Variants in CCDC192 observed in about 807,000 individuals in gnomAD.
The protein encoded by CCDC192 is coiled-coil domain-containing protein 192.
intron 5 of CCDC192, among the ~76,000 whole-genome samples, chr5:127,866,266 A>G (rs1387571931): frequency 6.6e-6 from 1 of 151,976 alleles, no homozygotes; most frequent in Non-Finnish European, 1.5e-5. Context: ...AAAAGAGTCA[A>G]AAAGGAAAAC....
chr5:127,752,847 C>T (rs575618680), intron 2 of CCDC192, among the ~76,000 whole-genome samples: 3 of 152,268 alleles, frequency 2.0e-5, no homozygotes, highest in East Asian at 1.9e-4. Context: ...TGGAAAAGTG[C>T]GGTATTCGGG....
intron 2 of CCDC192, among the ~76,000 whole-genome samples, chr5:127,731,304 A>G (rs1177172703): frequency 6.6e-6 from 1 of 152,206 alleles, no homozygotes; most frequent in African/African-American, 2.4e-5. Flanking sequence ...AATACAGCTA[A>G]CAAGGGGAGT....
chr5:127,794,514 A>G (rs1757054148), intron 3 of CCDC192, among the ~76,000 whole-genome samples: 1 of 152,212 alleles, frequency 6.6e-6, no homozygotes, highest in Non-Finnish European at 1.5e-5. Context: ...TGCCCAAGAA[A>G]TGTTAACTAT....
intron 5 of CCDC192, among the ~76,000 whole-genome samples, chr5:127,828,864 C>T (rs1319533340): frequency 2.0e-5 from 3 of 152,134 alleles, no homozygotes; most frequent in Non-Finnish European, 4.4e-5. Context: ...GTAGGCATTG[C>T]CAAGAGCAGT....
chr5:127,854,337 A>T (rs1210430858), intron 5 of CCDC192, among the ~76,000 whole-genome samples: 1 of 152,070 alleles, frequency 6.6e-6, no homozygotes, highest in East Asian at 1.9e-4. Flanking sequence ...GTACCCCCTT[A>T]TTTACGGTTG....
At chr5:127,899,469 T>C (rs963535514) in intron 6 of CCDC192, among the ~76,000 whole-genome samples, 1 of 151,180 alleles carries the variant, frequency 6.6e-6, no homozygotes, top group Admixed American at 6.6e-5. Flanking sequence ...GCCTCAAGGT[T>C]GGCAAGCCAG....
chr5:127,906,040 C>A (rs1753185488), intron 6 of CCDC192, among the ~76,000 whole-genome samples: 3 of 152,092 alleles, frequency 2.0e-5, no homozygotes, highest in Admixed American at 6.5e-5. Context: ...ATACAACATA[C>A]AATTCACATT....
intron 6 of CCDC192, among the ~76,000 whole-genome samples, chr5:127,899,528 C>T (rs1444167951): frequency 2.1e-5 from 3 of 144,176 alleles, no homozygotes; most frequent in Non-Finnish European, 3.0e-5. Context: ...TCTCAACTGC[C>T]AGCCATAAAA....
Position 127,800,675 on chromosome 5 carries a change from G to A in CCDC192, c.411+2513G>A, listed in dbSNP as rs374521851. ...TACAAAGCCAAATTTATCATCTTCT[G>A]TTATTATCTCTTAAATATGTTTCTC... On this transcript the variant is annotated intron_variant, in intron 5 of 6. Transcript: ENST00000514853. Among the ~76,000 whole-genome samples, 9 of 152,200 alleles carry A rather than the reference G, an allele frequency of 5.9e-5. No individual in the cohort carries two copies. The East Asian group carries it at 1.5e-3, about 26-fold the overall frequency.
intron 6 of CCDC192, among the ~76,000 whole-genome samples, chr5:127,909,066 GA>G (rs1250870030): frequency 1.3e-5 from 2 of 152,180 alleles, no homozygotes; most frequent in African/African-American, 4.8e-5. Flanking sequence ...GAGGTCATGT[GA>G]TGTGATATAA....
intron 3 of CCDC192, among the ~76,000 whole-genome samples, chr5:127,780,359 C>T (rs967745155): frequency 1.5e-4 from 23 of 152,120 alleles, no homozygotes; most frequent in African/African-American, 5.5e-4. Context: ...AATGGTAGAA[C>T]TAAAAAGTTC....
chr5:127,859,707 A>T (rs1751275514), intron 5 of CCDC192, among the ~76,000 whole-genome samples: 1 of 151,986 alleles, frequency 6.6e-6, no homozygotes, highest in East Asian at 1.9e-4. Context: ...TTTATCGAAG[A>T]TTCCCTTCTC....
chr5:127,861,935 G>T (rs1002928448), intron 5 of CCDC192, among the ~76,000 whole-genome samples: 2 of 152,258 alleles, frequency 1.3e-5, no homozygotes, highest in African/African-American at 2.4e-5. Context: ...TGTACTGAGC[G>T]TGAAAACAGG....
chr5:127,801,813 T>A (rs1053569373), intron 5 of CCDC192, among the ~76,000 whole-genome samples: 4 of 152,146 alleles, frequency 2.6e-5, no homozygotes, highest in African/African-American at 9.7e-5. Flanking sequence ...TGGGTAGAAA[T>A]CAGAACCAGA....
chr5:127,772,444 G>T (rs1755611802), intron 3 of CCDC192, among the ~76,000 whole-genome samples: 1 of 148,250 alleles, frequency 6.7e-6, no homozygotes, highest in Admixed American at 6.7e-5. Flanking sequence ...TTTAGCCTGG[G>T]TGACAGAGTG....
intron 5 of CCDC192, among the ~76,000 whole-genome samples, chr5:127,830,729 G>T (rs1186503288): frequency 6.6e-6 from 1 of 151,120 alleles, no homozygotes; most frequent in Non-Finnish European, 1.5e-5. Flanking sequence ...AAGTTAGCAT[G>T]CAGGAGATCA....
At chr5:127,706,654 C>T (rs1303315789) in intron 1 of CCDC192, among the ~76,000 whole-genome samples, 1 of 151,842 alleles carries the variant, frequency 6.6e-6, no homozygotes, top group Non-Finnish European at 1.5e-5. Flanking sequence ...CCACCCTATC[C>T]TTCTTCAAGA....
In CCDC192 at chr5:127,941,406, C is replaced by T. The variant is rs1474481050; in HGVS notation, c.760C>T (p.Pro254Ser). 2.5e-6 allele frequency: 1 copy of T among 398,932 alleles called. No homozygotes were observed. Among genetic ancestry groups the T allele is most frequent in the Non-Finnish European group, 4.4e-6 (1 of 226,068 alleles). 24.7% of individuals were successfully genotyped at this position (398,932 alleles called of 1,614,324 possible). ...GGTCAAGGACCCTCCAGGATGTTTA[C>T]CAGAAGCCCCAGTTTTCTCTACTCA... ...QEVKDPPGCL[P>S]EAPVFSTHDI... The change falls in exon 7 of 7, where the codon CCA becomes TCA. Residue 254 changes from proline to serine, a missense_variant. Coordinates refer to ENST00000514853, the MANE Select transcript of CCDC192 (RefSeq NM_001317938.2).
At chr5:127,891,571 A>G (rs1752733346) in intron 6 of CCDC192, among the ~76,000 whole-genome samples, 1 of 152,126 alleles carries the variant, frequency 6.6e-6, no homozygotes, top group East Asian at 1.9e-4. Flanking sequence ...CCAGTGATGT[A>G]CTTATTTGCC....
Sources: gnomAD v4.1 joint callset for allele counts (sites outside exome capture counted in the v4.1 genomes callset) on GRCh38, gnomAD v4.1.1 for gene constraint, MANE v1.5 for transcripts, NCBI Gene and HGNC (gene_info 2026-07-23, HGNC 2026-07-21) for gene names.